The following MAP3K9 variants were observed in gnomAD, a reference collection of about 807,000 sequenced individuals.
MAP3K9 encodes the protein mixed lineage kinase 1 (tyr and ser/thr specificity).
MAP3K9 carries 46 observed loss-of-function variants against 95.8 expected under a neutral mutation model. That is an observed-to-expected ratio of 0.48 (90% CI 0.38 to 0.61). The LOEUF (loss-of-function observed/expected upper bound fraction) is 0.61, where lower values mean the gene tolerates loss of function less well. Among genes scored for constraint, MAP3K9 ranks in the 20% least tolerant of loss-of-function variants. The pLI is 0.00. For missense variants in MAP3K9, 1,296 were observed against 1,474.3 expected, an observed-to-expected ratio of 0.88 and a Z score of 1.98; for synonymous variants, 533 against 593.8, an observed-to-expected ratio of 0.90 and a Z score of 1.49.
At chr14:70,732,331 T>A (rs187653277) in intron 11 of MAP3K9, among the ~76,000 whole-genome samples, 52 of 152,130 alleles carry the variant, frequency 3.4e-4, no homozygotes, top group Non-Finnish European at 6.3e-4. Context: ...CTTTCAATCC[T>A]CAGGGAAGAC....
intron 3 of MAP3K9, among the ~76,000 whole-genome samples, chr14:70,750,395 A>G (rs2054208554): frequency 6.6e-6 from 1 of 152,224 alleles, no homozygotes; most frequent in Non-Finnish European, 1.5e-5. Flanking sequence ...TCAGTCTGGC[A>G]AGGCTATTGT....
chr14:70,787,934 G>T lies in MAP3K9; in HGVS notation c.820+12733C>A, dbSNP rs376585149. Among the ~76,000 whole-genome samples the T allele has an allele frequency of 4.3e-4, 65 of 152,282 alleles. 1 individual carries two copies. The highest frequency in any genetic ancestry group is 7.4e-4 in the Non-Finnish European group (50 of 68,016). ...ATGTGAGGGGAGACAGAGATGGGGGGAGCAAGGGAAGACGAAGGGATGAAA... is the reference window on the plus strand; with the variant it reads ...ATGTGAGGGGAGACAGAGATGGGGGTAGCAAGGGAAGACGAAGGGATGAAA... On this transcript the variant is annotated intron_variant, in intron 2 of 11. Transcript: ENST00000554752.
intron 11 of MAP3K9, 46 bp downstream of exon 11, chr14:70,732,493 T>C (rs772293982): frequency 6.6e-7 from 1 of 1,509,732 alleles, no homozygotes; most frequent in Non-Finnish European, 8.8e-7. Flanking sequence ...CTTCACTCCC[T>C]GAGGAGGCAC....
chr14:70,793,620 G>T (rs958727840), intron 2 of MAP3K9, among the ~76,000 whole-genome samples: 19 of 152,272 alleles, frequency 1.2e-4, no homozygotes, highest in Non-Finnish European at 2.1e-4. Flanking sequence ...TTTACATTTT[G>T]GGATCACGTA....
intron 2 of MAP3K9, among the ~76,000 whole-genome samples, chr14:70,780,868 A>G (rs2054666291): frequency 6.6e-6 from 1 of 152,258 alleles, no homozygotes; most frequent in Non-Finnish European, 1.5e-5. Flanking sequence ...GAAGCCTATC[A>G]GATGCTCGAT....
At position 70,740,051 on chromosome 14, in the gene MAP3K9, C is replaced by T. The variant is rs770263201; in HGVS notation, c.1681G>A (p.Ala561Thr). The change falls in exon 7 of 12, where the codon GCC becomes ACC. Residue 561 changes from alanine (A) to threonine (T), a missense_variant. Transcript: ENST00000554752. ...TGGGAAACAGTCTCACACTGGATGGCTCGAAGGCGAGGAATGATGGTGGGG... is the reference window on the plus strand; with the variant it reads ...TGGGAAACAGTCTCACACTGGATGGTTCGAAGGCGAGGAATGATGGTGGGG... ...ASPTIIPRLR[A>T]IQLTPGESSK... The T allele has an allele frequency of 6.2e-7, 1 of 1,614,168 alleles. No homozygotes were observed. Among genetic ancestry groups the T allele is most frequent in the Non-Finnish European group, 8.5e-7 (1 of 1,180,038 alleles).
intron 1 of MAP3K9, among the ~76,000 whole-genome samples, chr14:70,808,449 G>C (rs1369095028): frequency 6.6e-6 from 1 of 151,790 alleles, no homozygotes; most frequent in East Asian, 1.9e-4. Flanking sequence ...CGGGGGGGTG[G>C]GTAAGAGAAG....
Position 70,734,096 on chromosome 14 carries a change from C to A in MAP3K9, c.2026+290G>T, listed in dbSNP as rs113360138. On this transcript the variant is annotated intron_variant, in intron 10 of 11. Coordinates refer to ENST00000554752, the MANE Select transcript of MAP3K9 (RefSeq NM_001284230.2). The stretch of plus-strand genomic sequence containing the variant: ...CTTTTCTCATTCTCCAGCTTGCAGA[C>A]GGCCTGTCATGGGACTTTGCCTTTG... 8.3e-3 allele frequency among the ~76,000 whole-genome samples: 1,267 copies of A among 152,328 alleles called. 14 individuals carry two copies. Among genetic ancestry groups the A allele is most frequent in the African/African-American group, 0.028 (1,166 of 41,578 alleles).
intron 2 of MAP3K9, among the ~76,000 whole-genome samples, chr14:70,769,595 C>T (rs1446084820): frequency 6.6e-6 from 1 of 152,152 alleles, no homozygotes; most frequent in Non-Finnish European, 1.5e-5. Flanking sequence ...GTCGGCAGGG[C>T]CATCTCCCTT....
Position 70,763,923 on chromosome 14 carries a change from C to T in MAP3K9, c.821-2741G>A, listed in dbSNP as rs575435894. On this transcript the variant is annotated intron_variant, in intron 2 of 11. Coordinates refer to ENST00000554752, the MANE Select transcript of MAP3K9 (RefSeq NM_001284230.2). ...CTGTCAGGCCGGGCGCGGTGGCTCA[C>T]GCCTGTAATCCCAGCACTTTGGGAG... 7.9e-5 allele frequency among the ~76,000 whole-genome samples: 12 copies of T among 151,774 alleles called. No homozygotes were observed. The South Asian group carries it at 1.7e-3, about 21-fold the overall frequency.
At chr14:70,791,436 A>G (rs1164451403) in intron 2 of MAP3K9, among the ~76,000 whole-genome samples, 1 of 152,256 alleles carries the variant, frequency 6.6e-6, no homozygotes, top group Non-Finnish European at 1.5e-5. Flanking sequence ...AAGAAGAGGC[A>G]GGCAGAACTC....
At chr14:70,746,616 G>T (rs1833111888) in intron 5 of MAP3K9, among the ~76,000 whole-genome samples, 1 of 152,198 alleles carries the variant, frequency 6.6e-6, no homozygotes, top group South Asian at 2.1e-4. Flanking sequence ...TCTTGGACAA[G>T]TTAATAAGGG....
In MAP3K9 at chr14:70,725,820, T is replaced by C. The variant is rs2053812637; in HGVS notation, c.*4560A>G. On this transcript the variant is annotated 3_prime_UTR_variant, in exon 12 of 12. Coordinates refer to ENST00000554752, the MANE Select transcript of MAP3K9 (RefSeq NM_001284230.2). ...TTCGACTGTTTTTGACGTAAAACCGTACGTATATTTCACACACACACACAC... is the reference window on the plus strand; with the variant it reads ...TTCGACTGTTTTTGACGTAAAACCGCACGTATATTTCACACACACACACAC... 1 of 130,760 alleles carries C rather than the reference T, an allele frequency of 7.6e-6. No individual in the cohort carries two copies. Among genetic ancestry groups the C allele is most frequent in the Admixed American group, 8.0e-5 (1 of 12,544 alleles). 8.1% of individuals were successfully genotyped at this position (130,760 alleles called of 1,614,324 possible). A position where few individuals can be genotyped will look rare whatever the true frequency, so the allele number is the denominator to read the frequency against.
At chr14:70,779,416 G>A (rs567157885) in intron 2 of MAP3K9, among the ~76,000 whole-genome samples, 1 of 152,322 alleles carries the variant, frequency 6.6e-6, no homozygotes, top group South Asian at 2.1e-4. Context: ...ACTGGGGATG[G>A]AAAGGATGGG....
At chr14:70,748,717 A>G (rs2054183471) in intron 5 of MAP3K9, 112 bp downstream of exon 5, 4 of 776,484 alleles carry the variant, frequency 5.2e-6, no homozygotes, top group Middle Eastern at 3.9e-4. Context: ...TGCTAGAATC[A>G]AGATGGTCAG....
At chr14:70,777,447 A>C (rs994231190) in intron 2 of MAP3K9, among the ~76,000 whole-genome samples, 7 of 152,168 alleles carry the variant, frequency 4.6e-5, no homozygotes, top group African/African-American at 1.7e-4. Flanking sequence ...GCCAAGGGAG[A>C]AGCATTACTC....
chr14:70,800,772 G>C lies in MAP3K9; in HGVS notation c.715C>G (p.Pro239Ala). The change falls in exon 2 of 12, where the codon CCA (proline) becomes GCA (alanine). Residue 239 changes from proline to alanine, a missense_variant. Physicochemically the swap from Pro to Ala is conservative, Grantham distance 27. Around this residue, in one of 5 missense-constraint regions of MAP3K9, gnomAD observed 338 missense variants for 363.4 expected, o/e 0.93. Transcript: ENST00000554752. ...ACAGCCCAATTCACCAGGATGTCTG[G>C]GGGAATCCTTTTCCCAGATAACACT... ...NRVLSGKRIP[P>A]DILVNWAVQI... 6.2e-7 allele frequency: 1 copy of C among 1,614,092 alleles called. No individual in the cohort carries two copies.
At chr14:70,774,979 T>TC (rs1156262334) in intron 2 of MAP3K9, among the ~76,000 whole-genome samples, 7 of 60,690 alleles carry the variant, frequency 1.2e-4, no homozygotes, top group East Asian at 1.0e-3. Context: ...TGAGACTCTG[T>TC]CCCCAAAAAA....
At position 70,738,320 on chromosome 14, in the gene MAP3K9, C is replaced by T; in HGVS notation, c.1769G>A (p.Arg590Lys). 6.2e-7 allele frequency: 1 copy of T among 1,614,072 alleles called. No individual in the cohort carries two copies. Among genetic ancestry groups the T allele is most frequent in the Non-Finnish European group, 8.5e-7 (1 of 1,179,990 alleles). The change falls in exon 8 of 12, where the codon AGG (arginine) becomes AAG (lysine). Residue 590 changes from arginine (R) to lysine (K), a missense_variant. Coordinates refer to ENST00000554752, the MANE Select transcript of MAP3K9 (RefSeq NM_001284230.2). ...PKEEGEEEEK[R>K]APKKKGRTWG... Reference sequence around the variant, plus strand: ...CGTCCGTCCCTTCTTCTTTGGGGCCCTCTTCTCCTCCTCCTCCCCTTCCTC... The same window carrying T: ...CGTCCGTCCCTTCTTCTTTGGGGCCTTCTTCTCCTCCTCCTCCCCTTCCTC...
Sources: gnomAD v4.1 joint callset for allele counts (sites outside exome capture counted in the v4.1 genomes callset) on GRCh38, gnomAD v4.1.1 for gene constraint, gnomAD v4.1.1 regional missense constraint, MANE v1.5 for transcripts, NCBI Gene and HGNC (gene_info 2026-07-23, HGNC 2026-07-21) for gene names.